The following LRP2 variants were observed in gnomAD, a reference collection of about 807,000 sequenced individuals.
The protein encoded by LRP2 is LDL receptor related protein 2, also known as low-density lipoprotein receptor-related protein 2.
A neutral mutation model predicts 531.0 loss-of-function variants in LRP2; 172 were observed. That is an observed-to-expected ratio of 0.32 (90% confidence interval 0.29 to 0.37). The LOEUF (loss-of-function observed/expected upper bound fraction) is 0.37, where lower values mean the gene tolerates loss of function less well. LRP2 is among the 10% of genes least tolerant of loss of function. The pLI is 1.00. For missense variants in LRP2, 5,167 were observed against 5,868.3 expected, an observed-to-expected ratio of 0.88 and a Z score of 3.90; for synonymous variants, 1,992 against 2,027.6, an observed-to-expected ratio of 0.98 and a Z score of 0.47.
At chr2:169,171,662 T>C (rs546453076) in intron 58 of LRP2, among the ~76,000 whole-genome samples, 1 of 152,316 alleles carries the variant, frequency 6.6e-6, no homozygotes, top group Non-Finnish European at 1.5e-5. Flanking sequence ...ACTTCTCTGG[T>C]CCTGGTTTTC....
At chr2:169,255,067 T>A (rs1343778639) in intron 19 of LRP2, among the ~76,000 whole-genome samples, 1 of 152,126 alleles carries the variant, frequency 6.6e-6, no homozygotes, top group African/African-American at 2.4e-5. Flanking sequence ...TGTGAGAAAG[T>A]CTTTGATTTA....
At position 169,207,083 on chromosome 2, in the gene LRP2, G is replaced by T; in HGVS notation, c.6637C>A (p.Pro2213Thr). Residue 2213 changes from proline to threonine, a missense_variant, in exon 39 of 79, where the codon CCA becomes ACA. Pro to Thr is a conservative substitution (Grantham distance 38). This residue lies in a region of LRP2 where 2,811 missense variants were observed against 3,058.0 expected (regional missense o/e 0.92). Coordinates refer to ENST00000649046, the MANE Select transcript of LRP2 (RefSeq NM_004525.3). ...YLFWADYGQR[P>T]KIERSFLDCT... Reference sequence around the variant, plus strand: ...TCAAGGAAAGAACGCTCAATCTTTGGTCTCTGCCCATAGTCAGCCCAGAAG... The same window carrying T: ...TCAAGGAAAGAACGCTCAATCTTTGTTCTCTGCCCATAGTCAGCCCAGAAG... The T allele has an allele frequency of 6.2e-7, 1 of 1,613,478 alleles. No individual in the cohort carries two copies. The highest frequency in any genetic ancestry group is 8.5e-7 in the Non-Finnish European group (1 of 1,179,550).
chr2:169,134,795 T>A (rs1285279961), intron 76 of LRP2, among the ~76,000 whole-genome samples: 1 of 152,186 alleles, frequency 6.6e-6, no homozygotes, highest in Admixed American at 6.5e-5. Flanking sequence ...TTAATGCGTC[T>A]TTAATAAAAA....
chr2:169,312,642 C>T (rs1235165298), intron 3 of LRP2, among the ~76,000 whole-genome samples: 5 of 152,106 alleles, frequency 3.3e-5, no homozygotes, highest in South Asian at 2.1e-4. Context: ...AACATTTTTT[C>T]CTTCATTTAA....
chr2:169,344,601 A>G lies in LRP2; in HGVS notation c.79+17720T>C, dbSNP rs187394713. 3.3e-5 allele frequency among the ~76,000 whole-genome samples: 5 copies of G among 152,306 alleles called. No homozygotes were observed. The East Asian group carries it at 9.6e-4, about 29-fold the overall frequency. On this transcript the variant is annotated intron_variant, in intron 1 of 78. Transcript: ENST00000649046. Reference sequence around the variant, plus strand: ...ATTCCCTCTAAATAGAGCATGTAAGACATCCATTAAAGTTTATTTTTAGCT... The same window carrying G: ...ATTCCCTCTAAATAGAGCATGTAAGGCATCCATTAAAGTTTATTTTTAGCT...
At position 169,271,103 on chromosome 2, in the gene LRP2, A is replaced by G; in HGVS notation, c.2121T>C (p.Val707=). The G allele has an allele frequency of 5.0e-6, 8 of 1,611,458 alleles. No individual in the cohort carries two copies. Among genetic ancestry groups the G allele is most frequent in the East Asian group, 2.2e-5 (1 of 44,778 alleles). ...LDTDERHCIA[V]QNFLIFSSQV... is the part of the protein sequence containing the mutation. ...GGGATGAAAAAATGAGGAAATTCTGAACAGCTGTAGGAAGAATAACACAGC... is the reference window on the plus strand; with the variant it reads ...GGGATGAAAAAATGAGGAAATTCTGGACAGCTGTAGGAAGAATAACACAGC... The change falls in exon 16 of 79, where the codon GTT becomes GTC. Residue 707 remains valine (V), a synonymous_variant. Transcript: ENST00000649046.
intron 4 of LRP2, among the ~76,000 whole-genome samples, chr2:169,296,769 T>A (rs1211571661): frequency 5.9e-5 from 9 of 152,082 alleles, no homozygotes. Context: ...GCCAGAAAAT[T>A]GAAAGGGGAA....
rs1683934552 is a variant in LRP2 at position 169,289,110 on chromosome 2, G to C, written c.958C>G (p.Gln320Glu). 2 of 1,614,116 alleles carry C rather than the reference G, an allele frequency of 1.2e-6. No homozygotes were observed. The highest frequency in any genetic ancestry group is 4.5e-5 in the East Asian group (2 of 44,878). The change falls in exon 9 of 79, where the codon CAG (glutamine) becomes GAG (glutamate). Residue 320 changes from glutamine to glutamate, a missense_variant. Around this residue, in one of 6 missense-constraint regions of LRP2, gnomAD observed 2,811 missense variants for 3,058.0 expected, o/e 0.92. Transcript: ENST00000649046. ...CCTCCATACGGCGTCTCATGGCACT[G>C]GTACTGGCAGTTCAAGGCAGAGCAC... is the stretch of plus-strand genomic sequence containing the variant. Reference protein sequence around the residue: ...TLCSALNCQYQCHETPYGGAC... With the variant: ...TLCSALNCQYECHETPYGGAC...
At chr2:169,172,285 A>C in intron 57 of LRP2, 151 bp from the exon 58 acceptor site, 2 of 888,360 alleles carry the variant, frequency 2.3e-6, no homozygotes, top group South Asian at 2.9e-5. Context: ...CATGGTCAAC[A>C]TTCCCTCTTT....
At position 169,198,815 on chromosome 2, in the gene LRP2, T is replaced by C; in HGVS notation, c.8549A>G (p.Asp2850Gly). Residue 2850 changes from aspartate (D) to glycine (G), a missense_variant, in exon 45 of 79, where the codon GAT becomes GGT. Asp to Gly is a moderately conservative substitution (Grantham distance 94). Around this residue, in one of 6 missense-constraint regions of LRP2, gnomAD observed 1,129 missense variants for 1,362.7 expected, o/e 0.83. Coordinates refer to ENST00000649046, the MANE Select transcript of LRP2 (RefSeq NM_004525.3). ...YLCDGDNDCG[D>G]NSDENPTYCT... ...ATAAGTAGGGTTTTCATCACTGTTATCTCCACAGTCATTGTCTCCGTCACA... is the reference window on the plus strand; with the variant it reads ...ATAAGTAGGGTTTTCATCACTGTTACCTCCACAGTCATTGTCTCCGTCACA... The C allele has an allele frequency of 6.2e-7, 1 of 1,613,936 alleles. No individual in the cohort carries two copies. Among genetic ancestry groups the C allele is most frequent in the Non-Finnish European group, 8.5e-7 (1 of 1,179,854 alleles).
At chr2:169,288,274 C>A (rs1427252978) in intron 9 of LRP2, among the ~76,000 whole-genome samples, 1 of 152,146 alleles carries the variant, frequency 6.6e-6, no homozygotes, top group Non-Finnish European at 1.5e-5. Context: ...CATCATAAGG[C>A]CCCGTCCTAA....
intron 66 of LRP2, 29 bp downstream of exon 66, chr2:169,154,431 C>T: frequency 6.3e-7 from 1 of 1,599,458 alleles, no homozygotes; most frequent in Non-Finnish European, 8.6e-7. Context: ...CACTTAATAT[C>T]AATGAAAGAT....
chr2:169,247,245 T>C (rs1690044307), intron 20 of LRP2, 133 bp downstream of exon 20: 1 of 1,010,750 alleles, frequency 9.9e-7, no homozygotes, highest in Non-Finnish European at 1.5e-6. Context: ...TCTTAGATTA[T>C]GTGAACGACA....
chr2:169,167,273 A>G (rs553800687), intron 61 of LRP2, among the ~76,000 whole-genome samples: 1 of 152,254 alleles, frequency 6.6e-6, no homozygotes, highest in African/African-American at 2.4e-5. Context: ...ACTGTGAAAT[A>G]TAATGAACAC....
chr2:169,236,119 A>C (rs561591620), intron 28 of LRP2, 51 bp from the exon 29 acceptor site: 1 of 1,278,926 alleles, frequency 7.8e-7, no homozygotes, highest in Admixed American at 1.9e-5. Flanking sequence ...TAAATATTAA[A>C]AATAACTGTC....
intron 77 of LRP2, 119 bp from the exon 78 acceptor site, chr2:169,129,203 G>A (rs1685198704): frequency 1.6e-5 from 12 of 764,564 alleles, no homozygotes; most frequent in Admixed American, 5.8e-5. Flanking sequence ...TTTGGGACCT[G>A]GGACCATGTG....
Position 169,275,887 on chromosome 2 carries a change from G to A in LRP2, c.1773-649C>T, listed in dbSNP as rs535097069. ...ACAGAAGTAAAATTAGGCACTAAGC[G>A]AAGAGAGGAAATCAACAACGCCCCC... On this transcript the variant is annotated intron_variant, in intron 13 of 78. Coordinates refer to ENST00000649046, the MANE Select transcript of LRP2 (RefSeq NM_004525.3). 3.9e-5 allele frequency among the ~76,000 whole-genome samples: 6 copies of A among 152,122 alleles called. 1 individual carries two copies. The highest frequency in any genetic ancestry group is 1.4e-4 in the African/African-American group (6 of 41,520).
intron 52 of LRP2, 93 bp from the exon 53 acceptor site, chr2:169,178,119 C>G (rs761620774): frequency 1.7e-5 from 16 of 932,738 alleles, no homozygotes; most frequent in Non-Finnish European, 2.7e-5. Context: ...CAATAAAATT[C>G]TACCTCCTAG....
At chr2:169,347,350 T>C (rs3729573) in intron 1 of LRP2, among the ~76,000 whole-genome samples, 43,790 of 152,054 alleles carry the variant, frequency 0.29, 7,976 homozygotes, top group African/African-American at 0.52. Context: ...GGAAATGTCT[T>C]CTCCATCTCT....
Sources: allele counts gnomAD v4.1 joint callset (sites outside exome capture counted in the v4.1 genomes callset), GRCh38; gene constraint gnomAD v4.1.1; regional missense constraint gnomAD v4.1.1; transcripts MANE v1.5; gene names NCBI Gene and HGNC (gene_info 2026-07-23, HGNC 2026-07-21).